The following FBXW11 variants were observed in gnomAD, a reference collection of about 807,000 sequenced individuals.
The protein encoded by FBXW11 is F-box/WD repeat-containing protein 11.
Under a neutral mutation model 77.6 loss-of-function variants are expected in FBXW11, and 19 were observed. The observed-to-expected ratio is 0.24, with a 90% CI of 0.17 to 0.36. The LOEUF is 0.36. Among genes scored for constraint, FBXW11 ranks in the 10% least tolerant of loss-of-function variants. The pLI is 1.00. For synonymous variants in FBXW11, 235 were observed against 249.4 expected (o/e 0.94, Z 0.54); for missense variants, 334 against 704.2 (o/e 0.47, Z 5.95).
Position 171,878,238 on chromosome 5 carries a change from A to G in FBXW11, c.853-109T>C, listed in dbSNP as rs1482438448. ...ATAAAATAAAACACACTTGGGTTAC[A>G]GTAAATAAGAAACACTGAATAACAA... On this transcript the variant is annotated intron_variant, in intron 7 of 13. Coordinates refer to ENST00000517395, the MANE Select transcript of FBXW11 (RefSeq NM_001378974.1). 5.4e-6 allele frequency: 4 copies of G among 737,452 alleles called. No homozygotes were observed. The African/African-American group carries it at 7.1e-5, about 13-fold the overall frequency. 45.7% of individuals were successfully genotyped at this position (737,452 alleles called of 1,614,324 possible).
intron 1 of FBXW11, among the ~76,000 whole-genome samples, chr5:171,986,095 T>C (rs1765423726): frequency 6.6e-6 from 1 of 152,190 alleles, no homozygotes; most frequent in South Asian, 2.1e-4. Flanking sequence ...AATTAGTGTT[T>C]TCATATGAAA....
chr5:171,965,797 A>G (rs1009898624), intron 1 of FBXW11, among the ~76,000 whole-genome samples: 2 of 152,084 alleles, frequency 1.3e-5, no homozygotes, highest in African/African-American at 2.4e-5. Context: ...TTCACAACAT[A>G]TTCATGTAGT....
chr5:171,901,166 A>G (rs375915294), intron 4 of FBXW11, among the ~76,000 whole-genome samples: 6 of 152,332 alleles, frequency 3.9e-5, no homozygotes, highest in South Asian at 2.1e-4. Flanking sequence ...CACCAGTAAC[A>G]ACTATCCTTT....
intron 2 of FBXW11, among the ~76,000 whole-genome samples, chr5:171,946,739 T>C (rs1763028291): frequency 6.6e-6 from 1 of 151,748 alleles, no homozygotes; most frequent in African/African-American, 2.4e-5. Context: ...TTCCCAAATC[T>C]TGGGGTGCTC....
chr5:171,962,936 C>T (rs1447304551), intron 1 of FBXW11, among the ~76,000 whole-genome samples: 1 of 151,950 alleles, frequency 6.6e-6, no homozygotes, highest in Non-Finnish European at 1.5e-5. Flanking sequence ...AGAAATCTGC[C>T]TTATTATAGG....
chr5:171,940,320 T>C (rs1030557798), intron 2 of FBXW11, among the ~76,000 whole-genome samples: 1 of 152,160 alleles, frequency 6.6e-6, no homozygotes, highest in African/African-American at 2.4e-5. Context: ...CAGTTTCTAA[T>C]ACATAGAACA....
At chr5:172,005,405 C>A (rs542003426) in intron 1 of FBXW11, among the ~76,000 whole-genome samples, 1 of 152,302 alleles carries the variant, frequency 6.6e-6, no homozygotes, top group East Asian at 1.9e-4. Context: ...ATTTGATTTC[C>A]CTCATGTTCA....
intron 4 of FBXW11, among the ~76,000 whole-genome samples, chr5:171,902,420 C>T (rs1384557912): frequency 1.3e-5 from 2 of 149,950 alleles, no homozygotes; most frequent in Non-Finnish European, 3.0e-5. Context: ...TTTTTAAATC[C>T]CTAAACCCCA....
intron 2 of FBXW11, among the ~76,000 whole-genome samples, chr5:171,929,012 G>C (rs1313271446): frequency 1.3e-5 from 2 of 152,150 alleles, no homozygotes; most frequent in African/African-American, 4.8e-5. Flanking sequence ...GATGGAGGCT[G>C]CAGTGAGCTG....
chr5:171,870,364 AAAG>A (rs1486542321), intron 11 of FBXW11, among the ~76,000 whole-genome samples: 6 of 146,054 alleles, frequency 4.1e-5, no homozygotes, highest in Non-Finnish European at 8.9e-5. Context: ...AAAAAAGGGA[AAAG>A]AAGAAACTTA....
intron 4 of FBXW11, among the ~76,000 whole-genome samples, chr5:171,903,999 A>G (rs1473384248): frequency 6.6e-6 from 1 of 152,174 alleles, no homozygotes; most frequent in Non-Finnish European, 1.5e-5. Flanking sequence ...ACAAATGGCA[A>G]GACAAGGATG....
At chr5:171,958,635 A>C (rs1763740307) in intron 1 of FBXW11, among the ~76,000 whole-genome samples, 1 of 152,242 alleles carries the variant, frequency 6.6e-6, no homozygotes, top group South Asian at 2.1e-4. Context: ...GGAATTAAGA[A>C]AAAAAGTAAA....
At chr5:171,937,491 G>T (rs1012132412) in intron 2 of FBXW11, among the ~76,000 whole-genome samples, 1 of 152,128 alleles carries the variant, frequency 6.6e-6, no homozygotes, top group South Asian at 2.1e-4. Context: ...AGCCACAGAT[G>T]ATATGTAAGT....
intron 1 of FBXW11, chr5:172,003,402 G>T (rs2113626472): frequency 6.6e-6 from 1 of 152,294 alleles, no homozygotes; most frequent in Non-Finnish European, 1.5e-5. Context: ...GAAGTCCATT[G>T]AACATAGCCG....
At chr5:171,956,158 T>C (rs1476998694) in intron 2 of FBXW11, among the ~76,000 whole-genome samples, 1 of 151,992 alleles carries the variant, frequency 6.6e-6, no homozygotes, top group South Asian at 2.1e-4. Flanking sequence ...TCCAGAAAAA[T>C]AGAGACAAAA....
intron 2 of FBXW11, among the ~76,000 whole-genome samples, chr5:171,949,816 A>G (rs903359287): frequency 1.3e-5 from 2 of 152,212 alleles, no homozygotes; most frequent in African/African-American, 4.8e-5. Flanking sequence ...AAATCTCAAC[A>G]AAGTACAAAA....
intron 2 of FBXW11, among the ~76,000 whole-genome samples, chr5:171,951,194 C>T (rs1488241642): frequency 9.9e-6 from 1 of 100,890 alleles, no homozygotes; most frequent in African/African-American, 2.7e-5. Flanking sequence ...AATACAACCC[C>T]CGCCACAAAA....
At chr5:171,977,418 A>C (rs1043533892) in intron 1 of FBXW11, among the ~76,000 whole-genome samples, 2 of 152,198 alleles carry the variant, frequency 1.3e-5, no homozygotes, top group Non-Finnish European at 2.9e-5. Context: ...TAGCAGCACA[A>C]AACAAACTAA....
intron 2 of FBXW11, among the ~76,000 whole-genome samples, chr5:171,922,832 A>T (rs970455997): frequency 1.6e-4 from 25 of 152,230 alleles, no homozygotes; most frequent in African/African-American, 2.4e-5. Context: ...ACAAGAAATG[A>T]TACCAAAAAT....
Sources: allele counts gnomAD v4.1 joint callset (sites outside exome capture counted in the v4.1 genomes callset), GRCh38; gene constraint gnomAD v4.1.1; transcripts MANE v1.5; gene names NCBI Gene and HGNC (gene_info 2026-07-23, HGNC 2026-07-21).